The following KIF24 variants were observed in gnomAD, a reference collection of about 807,000 sequenced individuals.
The protein encoded by KIF24 is kinesin family member 24.
In KIF24, 81 loss-of-function variants were observed where a neutral mutation model predicts 118.9. The observed-to-expected ratio is 0.68, with a 90% CI of 0.57 to 0.82. The LOEUF is 0.82. KIF24 is among the 40% of genes least tolerant of loss of function. KIF24 has a pLI of 0.00. For synonymous variants in KIF24, 599 were observed against 610.0 expected (o/e 0.98, Z 0.27); for missense variants, 1,560 against 1,661.6 (o/e 0.94, Z 1.06).
intron 8 of KIF24, among the ~76,000 whole-genome samples, chr9:34,263,887 C>T (rs1349894730): frequency 6.6e-6 from 1 of 151,758 alleles, no homozygotes; most frequent in African/African-American, 2.4e-5. Context: ...TTAAAAACGA[C>T]CCTTCATTTA....
intron 1 of KIF24, among the ~76,000 whole-genome samples, chr9:34,317,666 A>C (rs1837371979): frequency 6.6e-6 from 1 of 152,198 alleles, no homozygotes; most frequent in Admixed American, 6.5e-5. Context: ...CACACTGCAT[A>C]AACTACCCAC....
chr9:34,327,042 A>G (rs2131841599), intron 1 of KIF24, among the ~76,000 whole-genome samples: 1 of 152,288 alleles, frequency 6.6e-6, no homozygotes, highest in East Asian at 1.9e-4. Flanking sequence ...TGATATATAA[A>G]CACTCAACAA....
chr9:34,322,837 C>T (rs1837565932), intron 1 of KIF24, among the ~76,000 whole-genome samples: 1 of 152,120 alleles, frequency 6.6e-6, no homozygotes, highest in African/African-American at 2.4e-5. Context: ...GCCTGGGCAA[C>T]AGAGTGAGAC....
chr9:34,269,414 A>AT, intron 7 of KIF24, 52 bp from the exon 8 acceptor site: 2 of 854,820 alleles, frequency 2.3e-6, no homozygotes, highest in South Asian at 3.7e-5. Context: ...ATTTTATTTT[A>AT]TTTTATTTTT....
chr9:34,330,716 C>T (rs1305029063), upstream of KIF24, among the ~76,000 whole-genome samples: 2 of 151,872 alleles, frequency 1.3e-5, no homozygotes, highest in Non-Finnish European at 2.9e-5. Flanking sequence ...AATCCTAGCC[C>T]TTTGGGAGGC....
Position 34,306,330 on chromosome 9 carries a change from A to G in KIF24, c.735T>C (p.Ile245=), listed in dbSNP as rs371998704. Residue 245 remains isoleucine, a synonymous_variant, in exon 3 of 13, where the codon ATT becomes ATC. Coordinates refer to ENST00000402558, the MANE Select transcript of KIF24 (RefSeq NM_194313.4). ...MREVRRGEIN[I]ITVEDKETLL... is the part of the protein sequence containing the mutation. ...GAGTTTCTTTGTCTTCTACAGTAATAATATTAATTTCTCCACGACGTACCT... is the reference window on the plus strand; with the variant it reads ...GAGTTTCTTTGTCTTCTACAGTAATGATATTAATTTCTCCACGACGTACCT... The G allele has an allele frequency of 1.2e-6, 2 of 1,609,876 alleles. No homozygotes were observed. Among genetic ancestry groups the G allele is most frequent in the African/African-American group, 2.7e-5 (2 of 74,840 alleles).
Position 34,306,461 on chromosome 9 carries a change from G to C in KIF24, c.624-20C>G. 6.7e-7 allele frequency: 1 copy of C among 1,495,006 alleles called. No individual in the cohort carries two copies. The highest frequency in any genetic ancestry group is 9.1e-7 in the Non-Finnish European group (1 of 1,101,006). 92.6% of individuals were successfully genotyped at this position (1,495,006 alleles called of 1,614,324 possible). A position where few individuals can be genotyped will look rare whatever the true frequency, so the allele number is the denominator to read the frequency against. The stretch of plus-strand genomic sequence containing the variant: ...TTCTGTCTAATATGTTTATAAACAG[G>C]CTTTTAATTTTTAATAATAGGACAA... On this transcript the variant is annotated intron_variant, in intron 2 of 12. Coordinates refer to ENST00000402558, the MANE Select transcript of KIF24 (RefSeq NM_194313.4).
chr9:34,325,469 G>A (rs1412114659), intron 1 of KIF24, among the ~76,000 whole-genome samples: 2 of 151,994 alleles, frequency 1.3e-5, no homozygotes, highest in African/African-American at 4.8e-5. Context: ...GAGGTGGGTG[G>A]ATCACTTGAG....
chr9:34,306,347 G>T lies in KIF24; in HGVS notation c.718C>A (p.Arg240Ser). 2 of 1,609,870 alleles carry T rather than the reference G, an allele frequency of 1.2e-6. No individual in the cohort carries two copies. Among genetic ancestry groups the T allele is most frequent in the Non-Finnish European group, 1.7e-6 (2 of 1,176,332 alleles). ...KRPLGMREVR[R>S]GEINIITVED... is the part of the protein sequence containing the mutation. ...ACAGTAATAATATTAATTTCTCCAC[G>T]ACGTACCTCCCTCATGCCCAGGGGG... is the stretch of plus-strand genomic sequence containing the variant. Residue 240 changes from arginine (R) to serine (S), a missense_variant, in exon 3 of 13, where the codon CGT becomes AGT. This residue lies in a region of KIF24 where 964 missense variants were observed against 988.0 expected (regional missense o/e 0.98). Coordinates refer to ENST00000402558, the MANE Select transcript of KIF24 (RefSeq NM_194313.4).
In KIF24 at chr9:34,317,431, T is replaced by G. The variant is rs919318296; in HGVS notation, c.-25-6060A>C. Among the ~76,000 whole-genome samples the G allele has an allele frequency of 2.0e-5, 3 of 152,120 alleles. No homozygotes were observed. In the South Asian group the frequency reaches 6.2e-4, roughly 32 times the overall value. On this transcript the variant is annotated intron_variant, in intron 1 of 12. Transcript: ENST00000402558. ...TTATTTACTGGTTGTTGTTTTTAGA[T>G]TGACAATTTCAATGTAAGTTACAGT...
Position 34,254,391 on chromosome 9 carries a change from C to CTGTT in KIF24, c.4092_4095dup (p.Val1366AsnfsTer58). ...CACAGGGTCTGGCTCTAAGACGGCA[C>CTGTT]TGTTCCCTCAGGGGCTGCGGTGGGC... On this transcript the variant is annotated frameshift_variant, in exon 13 of 13. Transcript: ENST00000402558. LOFTEE classifies it high-confidence loss of function. 2.5e-6 allele frequency: 4 copies of CTGTT among 1,613,304 alleles called. No homozygotes were observed. The highest frequency in any genetic ancestry group is 3.4e-6 in the Non-Finnish European group (4 of 1,179,784).
intron 3 of KIF24, among the ~76,000 whole-genome samples, chr9:34,301,997 C>CCT (rs1836728630): frequency 7.3e-6 from 1 of 137,666 alleles, no homozygotes; most frequent in East Asian, 2.1e-4. Flanking sequence ...ATTTTTTTTT[C>CCT]TTTTTTTTTT....
intron 5 of KIF24, among the ~76,000 whole-genome samples, chr9:34,287,989 T>C (rs1201694639): frequency 6.6e-6 from 1 of 151,612 alleles, no homozygotes; most frequent in Non-Finnish European, 1.5e-5. Flanking sequence ...GGCCTTAATC[T>C]CTGAGCCCAC....
rs1259689046 is a variant in KIF24 at position 34,294,452 on chromosome 9, G to A, written c.911+2565C>T. Among the ~76,000 whole-genome samples the A allele has an allele frequency of 2.0e-5, 3 of 152,094 alleles. No individual in the cohort carries two copies. The East Asian group carries it at 5.8e-4, about 29-fold the overall frequency. ...AATCCCAGCTACTTGGGAGGCTGAGGCAGGAGAATCACTTGAACCCGGGAA... is the reference window on the plus strand; with the variant it reads ...AATCCCAGCTACTTGGGAGGCTGAGACAGGAGAATCACTTGAACCCGGGAA... On this transcript the variant is annotated intron_variant, in intron 4 of 12. Transcript: ENST00000402558.
In KIF24 at chr9:34,326,892, G is replaced by A. The variant is rs1024819791; in HGVS notation, c.-26+2214C>T. Among the ~76,000 whole-genome samples, 3 of 152,178 alleles carry A rather than the reference G, an allele frequency of 2.0e-5. No individual in the cohort carries two copies. In the East Asian group the frequency reaches 5.8e-4, roughly 29 times the overall value. The stretch of plus-strand genomic sequence containing the variant: ...TTCTGTGAGGAAATGGATCACAGCA[G>A]GTGGGCAAAAGTGGAAACAGGGAGA... On this transcript the variant is annotated intron_variant, in intron 1 of 12. Coordinates refer to ENST00000402558, the MANE Select transcript of KIF24 (RefSeq NM_194313.4).
At chr9:34,283,215 A>G (rs1425015823) in intron 6 of KIF24, among the ~76,000 whole-genome samples, 1 of 151,786 alleles carries the variant, frequency 6.6e-6, no homozygotes, top group Non-Finnish European at 1.5e-5. Flanking sequence ...AAAAATGCCA[A>G]AAAAATTAGC....
In KIF24 at chr9:34,256,579, C is replaced by T. The variant is rs1834854252; in HGVS notation, c.3028G>A (p.Glu1010Lys). ...TGGATTGGGCCGTCTGCACTGACTT[C>T]TCTCAGAGGTGTGGTGACTGTGTCT... ...QRDTVTTPLREVSADGPIQVT... is the reference protein window; with the variant it reads ...QRDTVTTPLRKVSADGPIQVT... The change falls in exon 11 of 13, where the codon GAA becomes AAA. Residue 1010 changes from glutamate (E) to lysine (K), a missense_variant. This residue lies in a region of KIF24 where 591 missense variants were observed against 655.6 expected (regional missense o/e 0.90). Transcript: ENST00000402558. 12 of 1,614,000 alleles carry T rather than the reference C, an allele frequency of 7.4e-6. No homozygotes were observed. The highest frequency in any genetic ancestry group is 1.0e-5 in the Non-Finnish European group (12 of 1,179,900).
chr9:34,289,027 A>G (rs1836156396), intron 5 of KIF24, among the ~76,000 whole-genome samples: 1 of 152,164 alleles, frequency 6.6e-6, no homozygotes, highest in African/African-American at 2.4e-5. Context: ...TTCAACACCA[A>G]GAAGGTAAAA....
At chr9:34,290,708 T>C (rs1016398774) in intron 4 of KIF24, among the ~76,000 whole-genome samples, 1 of 152,008 alleles carries the variant, frequency 6.6e-6, no homozygotes, top group African/African-American at 2.4e-5. Context: ...CAAGTGATTC[T>C]CCTGCCTCAG....
Sources: gnomAD v4.1 joint callset for allele counts (sites outside exome capture counted in the v4.1 genomes callset) on GRCh38, gnomAD v4.1.1 for gene constraint, gnomAD v4.1.1 regional missense constraint, MANE v1.5 for transcripts, NCBI Gene and HGNC (gene_info 2026-07-23, HGNC 2026-07-21) for gene names.